Variants in ACOT9 observed in about 807,000 individuals in gnomAD.
ACOT9 encodes acyl-coenzyme A thioesterase 9, mitochondrial.
A neutral mutation model predicts 39.7 loss-of-function variants in ACOT9; 34 were observed. The observed-to-expected ratio is 0.86, with a 90% confidence interval of 0.65 to 1.14. The LOEUF is 1.14. ACOT9 is among the 50% of genes most tolerant of loss of function. The pLI is 0.00. For missense variants in ACOT9, 313 were observed against 344.1 expected (o/e 0.91, Z 0.71); for synonymous variants, 110 against 120.5 (o/e 0.91, Z 0.57).
chrX:23,728,391 G>A (rs1299304991), intron 6 of ACOT9, among the ~76,000 whole-genome samples: 1 of 110,667 alleles, frequency 9.0e-6, no homozygotes. Context: ...GGTGAGGGGA[G>A]CATCCATGAT....
chrX:23,711,305 G>A (rs1396649425), intron 9 of ACOT9, among the ~76,000 whole-genome samples: 2 of 110,500 alleles, frequency 1.8e-5, no homozygotes, highest in African/African-American at 6.6e-5. Context: ...GTGGGTGACT[G>A]AGCGAGACTC....
chrX:23,709,347 A>G (rs1360582086), intron 9 of ACOT9, among the ~76,000 whole-genome samples: 3 of 111,969 alleles, frequency 2.7e-5, no homozygotes, highest in Non-Finnish European at 3.8e-5. Flanking sequence ...GAGCCGAGAT[A>G]GCACCACTGC....
At chrX:23,738,912 G>C (rs1930036500) in intron 1 of ACOT9, among the ~76,000 whole-genome samples, 1 of 111,173 alleles carries the variant, frequency 9.0e-6, no homozygotes, top group Admixed American at 9.6e-5. Context: ...ATTTTCTGAA[G>C]AGGGATGAAA....
At chrX:23,706,453 G>C (rs1476165766) in intron 11 of ACOT9, among the ~76,000 whole-genome samples, 175 bp downstream of exon 11, 1 of 106,380 alleles carries the variant, frequency 9.4e-6, no homozygotes, top group Non-Finnish European at 1.9e-5. Context: ...CAGCTACTCG[G>C]AGGCTGAGGC....
chrX:23,724,906 C>T (rs960418549), intron 6 of ACOT9, among the ~76,000 whole-genome samples: 3 of 110,579 alleles, frequency 2.7e-5, no homozygotes, highest in African/African-American at 9.9e-5. Context: ...CACTGCACTA[C>T]AGCCCGGGCA....
rs915139783 is a variant in ACOT9, at chrX:23,703,730, G to A, written c.*164C>T. The A allele has an allele frequency of 2.0e-5, 8 of 405,724 alleles. No individual in the cohort carries two copies. The highest frequency in any genetic ancestry group is 5.1e-5 in the African/African-American group (2 of 39,178). 33.4% of individuals were successfully genotyped at this position (405,724 alleles called of 1,213,427 possible). On this transcript the variant is annotated 3_prime_UTR_variant, in exon 16 of 16. Transcript: ENST00000379303. The stretch of plus-strand genomic sequence containing the variant: ...ATTCTTTCTCCCCTCAGCCCCATCC[G>A]GCCACTCTCTCTTTCTGCTTTTCTG...
intron 1 of ACOT9, among the ~76,000 whole-genome samples, chrX:23,741,945 G>A (rs889859156): frequency 1.8e-5 from 2 of 110,522 alleles, no homozygotes; most frequent in Admixed American, 9.8e-5. Flanking sequence ...AAAACGCTGG[G>A]ACTGCAGTCG....
intron 1 of ACOT9, among the ~76,000 whole-genome samples, chrX:23,742,610 G>C (rs1480048592): frequency 9.0e-6 from 1 of 111,270 alleles, no homozygotes; most frequent in Non-Finnish European, 1.9e-5. Flanking sequence ...TTGGCACCAG[G>C]GTCCTAGACG....
At chrX:23,712,062 A>G (rs1928915633) in intron 9 of ACOT9, among the ~76,000 whole-genome samples, 1 of 111,541 alleles carries the variant, frequency 9.0e-6, no homozygotes, top group Admixed American at 9.6e-5. Flanking sequence ...ATAAGAAACA[A>G]TAGGGGAAGA....
intron 6 of ACOT9, among the ~76,000 whole-genome samples, chrX:23,728,776 G>A (rs1439166052): frequency 1.8e-5 from 2 of 111,495 alleles, no homozygotes; most frequent in South Asian, 7.4e-4. Flanking sequence ...TCAAAAAAGG[G>A]CTCCTTGGAG....
chrX:23,739,645 A>G (rs1028828071), intron 1 of ACOT9, among the ~76,000 whole-genome samples: 6 of 110,968 alleles, frequency 5.4e-5, no homozygotes, highest in African/African-American at 2.0e-4. Context: ...ATTTTAAAAT[A>G]TTAGTCAGGC....
At position 23,743,181 on chromosome X, in the gene ACOT9, C is replaced by G; in HGVS notation, c.-37G>C. ...GCCGTGCGCGCGATGGAGAACCGGGCCCCGCGCGCTAGTCGGCGGAGGGAA... is the reference window on the plus strand; with the variant it reads ...GCCGTGCGCGCGATGGAGAACCGGGGCCCGCGCGCTAGTCGGCGGAGGGAA... On this transcript the variant is annotated 5_prime_UTR_variant, in exon 1 of 16. Transcript: ENST00000379303. 1 of 1,146,718 alleles carries G rather than the reference C, an allele frequency of 8.7e-7. No individual in the cohort carries two copies. The allele number at this position is 1,146,718 out of a possible 1,213,427, so 94.5% of individuals were successfully genotyped here.
chrX:23,729,913 G>T (rs960303423), intron 6 of ACOT9, among the ~76,000 whole-genome samples: 1 of 111,201 alleles, frequency 9.0e-6, no homozygotes. Flanking sequence ...TTATAGGCGT[G>T]AGCCACCGCG....
At chrX:23,705,110 A>G (rs1234720911) in intron 13 of ACOT9, 30 bp from the exon 14 acceptor site, 2 of 1,132,728 alleles carry the variant, frequency 1.8e-6, no homozygotes, top group East Asian at 6.0e-5. Context: ...AATTTGGGGT[A>G]TATTGCAAAA....
intron 9 of ACOT9, among the ~76,000 whole-genome samples, chrX:23,711,476 C>T: frequency 8.9e-6 from 1 of 112,659 alleles, no homozygotes; most frequent in African/African-American, 3.2e-5. Flanking sequence ...AAGCATTGAT[C>T]CTAACTCCAT....
At position 23,704,822 on chromosome X, in the gene ACOT9, T is replaced by C. The variant is rs773196927; in HGVS notation, c.1130A>G (p.Tyr377Cys). The C allele has an allele frequency of 8.3e-7, 1 of 1,210,736 alleles. No homozygotes were observed. The highest frequency in any genetic ancestry group is 2.2e-5 in the Admixed American group (1 of 45,891). The change falls in exon 15 of 16, where the codon TAT becomes TGT. Residue 377 changes from tyrosine to cysteine, a missense_variant. By Grantham distance (194) the Tyr-to-Cys change is radical (BLOSUM62 -2). Transcript: ENST00000379303. ...SSQVCFTQNN[Y>C]IQVRVHSEVA... ...TTCACTGTGTACTCTGACTTGAATA[T>C]AATTATTCTGAGTAAAGCATACCTA...
chrX:23,719,808 T>A (rs1324819036), intron 8 of ACOT9, among the ~76,000 whole-genome samples: 2 of 109,504 alleles, frequency 1.8e-5, no homozygotes, highest in Admixed American at 2.0e-4. Flanking sequence ...GGACCCCTGG[T>A]CTACTCAATA....
intron 1 of ACOT9, among the ~76,000 whole-genome samples, chrX:23,740,367 A>G (rs35231352): frequency 0.07 from 7,751 of 110,641 alleles, 261 homozygotes; most frequent in Middle Eastern, 0.16. Context: ...TCAGTATCCC[A>G]AAGTGCTGGG....
chrX:23,707,786 T>G (rs1928751184), intron 10 of ACOT9, 91 bp downstream of exon 10: 1 of 645,510 alleles, frequency 1.5e-6, no homozygotes, highest in African/African-American at 2.3e-5. Context: ...TTGACTGGTA[T>G]GAAGAGCCCA....
Sources: gnomAD v4.1 joint callset for allele counts (sites outside exome capture counted in the v4.1 genomes callset) on GRCh38, gnomAD v4.1.1 for gene constraint, MANE v1.5 for transcripts, NCBI Gene and HGNC (gene_info 2026-07-23, HGNC 2026-07-21) for gene names.